The following PRKG1 variants were observed in gnomAD, a reference collection of about 807,000 sequenced individuals.
The protein encoded by PRKG1 is protein kinase cGMP-dependent 1, also known as cGMP-dependent protein kinase 1.
A neutral mutation model predicts 88.1 loss-of-function variants in PRKG1; 35 were observed. The observed-to-expected ratio is 0.40, with a 90% CI of 0.30 to 0.53. The LOEUF is 0.53. PRKG1 is among the 20% of genes least tolerant of loss of function. The probability of loss-of-function intolerance (pLI) is 0.59; values close to 1 mark genes in which losing one functional copy is unlikely to be tolerated. For missense variants in PRKG1, 540 were observed against 839.8 expected (o/e 0.64, Z 4.41); for synonymous variants, 303 against 292.5 (o/e 1.04, Z -0.37).
At chr10:51,594,053 C>T (rs2132213529) in intron 3 of PRKG1, among the ~76,000 whole-genome samples, 1 of 151,926 alleles carries the variant, frequency 6.6e-6, no homozygotes, top group Middle Eastern at 3.4e-3. Flanking sequence ...GAATTAGGGT[C>T]TTACTCTGTT....
intron 6 of PRKG1, among the ~76,000 whole-genome samples, chr10:52,058,159 C>A (rs1425483421): frequency 1.3e-5 from 2 of 151,768 alleles, no homozygotes; most frequent in Non-Finnish European, 2.9e-5. Context: ...TCTACACAAC[C>A]CAATATAATA....
intron 4 of PRKG1, among the ~76,000 whole-genome samples, chr10:51,838,090 A>G (rs1322121926): frequency 6.6e-6 from 1 of 152,178 alleles, no homozygotes; most frequent in Non-Finnish European, 1.5e-5. Flanking sequence ...AATTCATTAA[A>G]AAATAGTAAT....
rs555962416 is a variant in PRKG1, at chr10:51,451,814, G to A, written c.479-15909G>A. On this transcript the variant is annotated intron_variant, in intron 2 of 17. Coordinates refer to ENST00000373980, the MANE Select transcript of PRKG1 (RefSeq NM_006258.4). ...TTGACGTTCTTTGAAAGTGAGGTTAGGAAGTGATGGATGGTAATTTTGGAA... is the reference window on the plus strand; with the variant it reads ...TTGACGTTCTTTGAAAGTGAGGTTAAGAAGTGATGGATGGTAATTTTGGAA... Among the ~76,000 whole-genome samples the A allele has an allele frequency of 3.3e-5, 5 of 151,996 alleles. No homozygotes were observed. The South Asian group carries it at 1.0e-3, about 31-fold the overall frequency.
intron 2 of PRKG1, among the ~76,000 whole-genome samples, chr10:51,426,543 C>T (rs1284455044): frequency 1.3e-5 from 2 of 152,116 alleles, no homozygotes; most frequent in Non-Finnish European, 2.9e-5. Flanking sequence ...AGAGAGATAT[C>T]ACTAAAATGG....
rs141896595 is a variant in PRKG1, at chr10:52,176,234, T to G, written c.1076+14271T>G. ...GGAAGTCTAGTTTCATTCTGCATAT[T>G]GGTACCCAGTTTTCCTAGCACCATT... On this transcript the variant is annotated intron_variant, in intron 9 of 17. Transcript: ENST00000373980. 1.3e-5 allele frequency among the ~76,000 whole-genome samples: 2 copies of G among 149,740 alleles called. 1 individual carries two copies. Among genetic ancestry groups the G allele is most frequent in the Non-Finnish European group, 3.0e-5 (2 of 67,418 alleles).
chr10:51,361,684 A>G (rs1435371475), intron 2 of PRKG1, among the ~76,000 whole-genome samples: 1 of 151,706 alleles, frequency 6.6e-6, no homozygotes, highest in East Asian at 2.0e-4. Context: ...ATGCCAAATT[A>G]TTACCTATTA....
At chr10:51,858,117 TAA>T (rs1491162753) in intron 4 of PRKG1, among the ~76,000 whole-genome samples, 1 of 47,446 alleles carries the variant, frequency 2.1e-5, no homozygotes, top group African/African-American at 1.2e-4. Context: ...TACATATATA[TAA>T]TATATATTAT....
chr10:50,994,977 G>A (rs1435117683), intron 1 of PRKG1, among the ~76,000 whole-genome samples: 1 of 152,132 alleles, frequency 6.6e-6, no homozygotes, highest in Non-Finnish European at 1.5e-5. Context: ...TAGGTTTTAT[G>A]CAAATACTAC....
intron 4 of PRKG1, among the ~76,000 whole-genome samples, chr10:51,858,715 C>T (rs1240935040): frequency 6.6e-6 from 1 of 151,688 alleles, no homozygotes; most frequent in East Asian, 1.9e-4. Flanking sequence ...TGTGGTGCCA[C>T]AGATGGTGAA....
At chr10:51,407,048 C>G (rs1837939896) in intron 2 of PRKG1, among the ~76,000 whole-genome samples, 2 of 152,146 alleles carry the variant, frequency 1.3e-5, no homozygotes, top group African/African-American at 4.8e-5. Context: ...TGTTTTTCTG[C>G]CTGCTTTATA....
At chr10:52,212,399 A>C (rs772842499) in intron 9 of PRKG1, among the ~76,000 whole-genome samples, 1 of 152,192 alleles carries the variant, frequency 6.6e-6, no homozygotes, top group African/African-American at 2.4e-5. Context: ...CTTTAGGCTA[A>C]CCTTAATTTA....
At chr10:51,645,971 C>T (rs193059098) in intron 3 of PRKG1, among the ~76,000 whole-genome samples, 2 of 152,242 alleles carry the variant, frequency 1.3e-5, no homozygotes, top group Admixed American at 1.3e-4. Context: ...ATATGCATAA[C>T]ATCAAGTATT....
chr10:51,027,752 A>G (rs570688363), intron 1 of PRKG1, among the ~76,000 whole-genome samples: 67 of 152,302 alleles, frequency 4.4e-4, no homozygotes, highest in Middle Eastern at 3.4e-3. Context: ...TTATGTTAAC[A>G]AGATCAAAAT....
At chr10:52,106,418 C>A (rs995150647) in intron 7 of PRKG1, among the ~76,000 whole-genome samples, 2 of 152,140 alleles carry the variant, frequency 1.3e-5, no homozygotes, top group African/African-American at 4.8e-5. Flanking sequence ...CTACCTCTGG[C>A]AACCTTTTCC....
chr10:51,921,048 A>G (rs947243732), intron 5 of PRKG1, among the ~76,000 whole-genome samples: 4 of 152,114 alleles, frequency 2.6e-5, no homozygotes, highest in Admixed American at 1.3e-4. Flanking sequence ...CCCCAGAATT[A>G]GGATTTTGCC....
intron 2 of PRKG1, among the ~76,000 whole-genome samples, chr10:51,165,088 C>G (rs1456274177): frequency 6.6e-6 from 1 of 152,128 alleles, no homozygotes. Flanking sequence ...CTCCAAGACA[C>G]ATAATTGTCA....
intron 7 of PRKG1, among the ~76,000 whole-genome samples, chr10:52,063,503 T>C (rs1378276781): frequency 6.6e-6 from 1 of 152,214 alleles, no homozygotes; most frequent in Non-Finnish European, 1.5e-5. Context: ...ACTTACAATG[T>C]GGCAAGCAAG....
intron 9 of PRKG1, among the ~76,000 whole-genome samples, chr10:52,191,835 G>T (rs1181129804): frequency 1.3e-5 from 2 of 151,926 alleles, no homozygotes; most frequent in Non-Finnish European, 2.9e-5. Context: ...TATCTCATTA[G>T]GTTTTTAATA....
Position 51,334,999 on chromosome 10 carries a change from C to CTTTTTTTT in PRKG1, c.479-132707_479-132700dup, listed in dbSNP as rs918622780. 3.6e-4 allele frequency among the ~76,000 whole-genome samples: 28 copies of CTTTTTTTT among 78,760 alleles called. 1 individual carries two copies. The highest frequency in any genetic ancestry group is 5.4e-4 in the South Asian group (1 of 1,858). 51.7% of individuals were successfully genotyped at this position (78,760 alleles called of 152,430 possible). A position where few individuals can be genotyped will look rare whatever the true frequency, so the allele number is the denominator to read the frequency against. On this transcript the variant is annotated intron_variant, in intron 2 of 17. Transcript: ENST00000373980. ...CAAAAAGGTTTTTCCTGTCAGGTTTCTTTTTTTTTTTTTTTTTTTTTTTTG... is the reference window on the plus strand; with the variant it reads ...CAAAAAGGTTTTTCCTGTCAGGTTTCTTTTTTTTTTTTTTTTTTTTTTTTTTTTTTTTG...
Sources: allele counts gnomAD v4.1 joint callset (sites outside exome capture counted in the v4.1 genomes callset), GRCh38; gene constraint gnomAD v4.1.1; transcripts MANE v1.5; gene names NCBI Gene and HGNC (gene_info 2026-07-23, HGNC 2026-07-21).